The following SCN8A variants were observed in gnomAD, a reference collection of about 807,000 sequenced individuals.
SCN8A encodes the protein sodium channel protein type 8 subunit alpha.
A neutral mutation model predicts 184.1 loss-of-function variants in SCN8A; 30 were observed. The observed-to-expected ratio is 0.16, with a 90% CI of 0.12 to 0.22. The LOEUF (loss-of-function observed/expected upper bound fraction) is 0.22. Ranked by LOEUF, SCN8A falls within the 10% of genes least tolerant of loss-of-function variation. The probability of loss-of-function intolerance (pLI) is 1.00; values close to 1 mark genes in which losing one functional copy is unlikely to be tolerated. For missense variants in SCN8A, 1,057 were observed against 2,498.9 expected (o/e 0.42, Z 12.30); for synonymous variants, 852 against 907.0 (o/e 0.94, Z 1.09).
intron 14 of SCN8A, among the ~76,000 whole-genome samples, chr12:51,754,389 GTGTA>G (rs1942641448): frequency 6.7e-6 from 1 of 149,320 alleles, no homozygotes; most frequent in Admixed American, 6.6e-5. Context: ...TGCTTATAGT[GTGTA>G]TTTTTTATAC....
intron 11 of SCN8A, among the ~76,000 whole-genome samples, chr12:51,714,570 T>C (rs1232537345): frequency 6.6e-6 from 1 of 152,176 alleles, no homozygotes; most frequent in African/African-American, 2.4e-5. Context: ...TGAGCCTTCC[T>C]TAAAAGGTCT....
At chr12:51,716,706 C>T (rs1941970441) in intron 11 of SCN8A, among the ~76,000 whole-genome samples, 1 of 152,138 alleles carries the variant, frequency 6.6e-6, no homozygotes, top group African/African-American at 2.4e-5. Flanking sequence ...CTGTGTTTTC[C>T]TGGCCATATT....
chr12:51,622,579 A>C (rs1958058628), intron 1 of SCN8A, among the ~76,000 whole-genome samples: 1 of 152,180 alleles, frequency 6.6e-6, no homozygotes, highest in Admixed American at 6.5e-5. Flanking sequence ...ATTTTTGGGA[A>C]GACTACTACA....
chr12:51,706,273 A>T, intron 10 of SCN8A, 149 bp from the exon 11 acceptor site: 1 of 660,076 alleles, frequency 1.5e-6, no homozygotes, highest in Non-Finnish European at 2.4e-6. Flanking sequence ...GTGCCAGAAT[A>T]CACAGAAACC....
intron 6 of SCN8A, among the ~76,000 whole-genome samples, chr12:51,694,281 C>G (rs1298703947): frequency 6.6e-6 from 1 of 152,166 alleles, no homozygotes; most frequent in Non-Finnish European, 1.5e-5. Context: ...AGACTTTGAC[C>G]CCAATATGCT....
intron 13 of SCN8A, 123 bp downstream of exon 13, chr12:51,746,158 C>T (rs577322325): frequency 1.2e-4 from 99 of 859,868 alleles, no homozygotes; most frequent in Non-Finnish European, 1.6e-4. Flanking sequence ...AGGAATGGAA[C>T]GTATTCCTAT....
At chr12:51,688,802 G>C (rs766308247) in intron 5 of SCN8A, 1 of 1,613,900 alleles carries the variant, frequency 6.2e-7, no homozygotes, top group Admixed American at 1.7e-5. Flanking sequence ...TCAGCTCTAC[G>C]CACTTTCAGG....
intron 1 of SCN8A, among the ~76,000 whole-genome samples, chr12:51,600,418 C>T (rs1939438577): frequency 6.6e-6 from 1 of 152,116 alleles, no homozygotes; most frequent in Non-Finnish European, 1.5e-5. Context: ...TTTGAAATTG[C>T]AGGCTGAGTT....
chr12:51,677,447 G>C (rs1941241650), intron 2 of SCN8A, among the ~76,000 whole-genome samples: 1 of 152,008 alleles, frequency 6.6e-6, no homozygotes, highest in South Asian at 2.1e-4. Context: ...TCTTGGGATG[G>C]GGTGGAGACA....
intron 20 of SCN8A, among the ~76,000 whole-genome samples, chr12:51,779,316 G>T (rs1171251924): frequency 6.6e-6 from 1 of 151,840 alleles, no homozygotes; most frequent in Non-Finnish European, 1.5e-5. Context: ...GAAAAATTCT[G>T]TAACTCTCAG....
intron 26 of SCN8A, among the ~76,000 whole-genome samples, chr12:51,799,095 C>T (rs1490398747): frequency 6.6e-6 from 1 of 152,092 alleles, no homozygotes; most frequent in Non-Finnish European, 1.5e-5. Context: ...GCAGAACCGT[C>T]TGTAAACTAG....
chr12:51,647,513 G>A (rs534022386), intron 1 of SCN8A, among the ~76,000 whole-genome samples: 6 of 152,288 alleles, frequency 3.9e-5, no homozygotes, highest in Non-Finnish European at 7.4e-5. Context: ...ATGAATGCAC[G>A]GGCAGTTCCC....
chr12:51,810,734 C>CT lies in SCN8A; in HGVS notation c.*3307dup, dbSNP rs1425223509. On this transcript the variant is annotated 3_prime_UTR_variant, in exon 27 of 27. Transcript: ENST00000627620. ...TGTGTGTGAAAAACATTTTCCCCCT[C>CT]TTCTTTCCTTAACCTCCTTGTTGCT... The CT allele has an allele frequency of 1.3e-5, 2 of 153,238 alleles. No homozygotes were observed. Among genetic ancestry groups the CT allele is most frequent in the East Asian group, 3.8e-4 (2 of 5,280 alleles). 9.5% of individuals were successfully genotyped at this position (153,238 alleles called of 1,614,324 possible). A position where few individuals can be genotyped will look rare whatever the true frequency, so the allele number is the denominator to read the frequency against.
chr12:51,802,050 G>C (rs1479384208), intron 26 of SCN8A, among the ~76,000 whole-genome samples: 1 of 149,048 alleles, frequency 6.7e-6, no homozygotes, highest in African/African-American at 2.4e-5. Flanking sequence ...GCAAGACTCT[G>C]TCTCAAAAAA....
In SCN8A at chr12:51,713,030, C is replaced by T. The variant is rs1342118848; in HGVS notation, c.1635+6315C>T. 7 of 1,555,036 alleles carry T rather than the reference C, an allele frequency of 4.5e-6. No homozygotes were observed. In the Admixed American group the frequency reaches 8.3e-5, roughly 19 times the overall value. Reference sequence around the variant, plus strand: ...GCCTTTTTCACTTCACAATTATGCCCATTAATAGTGTGGTATTTCTGAACA... The same window carrying T: ...GCCTTTTTCACTTCACAATTATGCCTATTAATAGTGTGGTATTTCTGAACA... On this transcript the variant is annotated intron_variant, in intron 11 of 26. Coordinates refer to ENST00000627620, the MANE Select transcript of SCN8A (RefSeq NM_001330260.2).
At chr12:51,633,491 T>C (rs1940245696) in intron 1 of SCN8A, among the ~76,000 whole-genome samples, 1 of 152,238 alleles carries the variant, frequency 6.6e-6, no homozygotes, top group African/African-American at 2.4e-5. Flanking sequence ...TTTCACCAGT[T>C]ATGCTTTGTG....
At chr12:51,725,301 G>T (rs1057270935) in intron 12 of SCN8A, among the ~76,000 whole-genome samples, 1 of 152,210 alleles carries the variant, frequency 6.6e-6, no homozygotes, top group Non-Finnish European at 1.5e-5. Flanking sequence ...CATATAGTTT[G>T]TGTGGTATGA....
chr12:51,790,386 T>C lies in SCN8A; in HGVS notation c.4420-12T>C, dbSNP rs1282825100. ...CAGTTGTAATTGTCTGTTTTCTTCT[T>C]CCCTCCTTTACTTCGGAGGTCAGGA... is the stretch of plus-strand genomic sequence containing the variant. On this transcript the variant is annotated splice_polypyrimidine_tract_variant and intron_variant, in intron 24 of 26. Transcript: ENST00000627620. 6.3e-7 allele frequency: 1 copy of C among 1,585,998 alleles called. No individual in the cohort carries two copies. The highest frequency in any genetic ancestry group is 1.7e-5 in the Admixed American group (1 of 57,938).
rs147893962 is a variant in SCN8A, at chr12:51,755,796, A to C, written c.2370+4203A>C. Among the ~76,000 whole-genome samples, 570 of 152,208 alleles carry C rather than the reference A, an allele frequency of 3.7e-3. 5 individuals are homozygous for C. Among genetic ancestry groups the C allele is most frequent in the African/African-American group, 0.013 (542 of 41,520 alleles). On this transcript the variant is annotated intron_variant, in intron 14 of 26. Coordinates refer to ENST00000627620, the MANE Select transcript of SCN8A (RefSeq NM_001330260.2). ...TCCAATTCTAATCCAACACTTCAAG[A>C]TTCTTTCTAGTTTTCTCCCTTTCTG...
Sources: allele counts gnomAD v4.1 joint callset (sites outside exome capture counted in the v4.1 genomes callset), GRCh38; gene constraint gnomAD v4.1.1; transcripts MANE v1.5; gene names NCBI Gene and HGNC (gene_info 2026-07-23, HGNC 2026-07-21).